Variants in DCLRE1B observed in about 807,000 individuals in gnomAD.
DCLRE1B encodes the protein DNA cross-link repair 1B.
DCLRE1B carries 6 observed loss-of-function variants against 19.8 expected under a neutral mutation model. The ratio of observed to expected loss-of-function variants is 0.30; its 90% confidence interval spans 0.17 to 0.60. The LOEUF (loss-of-function observed/expected upper bound fraction) is 0.60. DCLRE1B is among the 20% of genes least tolerant of loss of function. The pLI, the probability that DCLRE1B is intolerant of heterozygous loss-of-function variation, is 0.87. For synonymous variants in DCLRE1B, 258 were observed against 255.7 expected, an observed-to-expected ratio of 1.01 and a Z score of -0.09; for missense variants, 622 against 654.2, an observed-to-expected ratio of 0.95 and a Z score of 0.54.
Position 113,911,757 on chromosome 1 carries a change from C to T in DCLRE1B, c.1165C>T (p.Pro389Ser), listed in dbSNP as rs774923906. 3.5e-5 allele frequency: 57 copies of T among 1,614,036 alleles called. No individual in the cohort carries two copies. The highest frequency in any genetic ancestry group is 4.4e-5 in the Non-Finnish European group (52 of 1,180,040). ...CTGGCCTGCGGACCTTGAAAAGCAG[C>T]CTTCCCACCATCCTTTGCGGATCAA... is the stretch of plus-strand genomic sequence containing the variant. ...SPWPADLEKQ[P>S]SHHPLRIKKQ... Residue 389 changes from proline (P) to serine (S), a missense_variant, in exon 4 of 4, where the codon CCT becomes TCT. Pro to Ser is a moderately conservative substitution (Grantham distance 74). Coordinates refer to ENST00000650450, the MANE Select transcript of DCLRE1B (RefSeq NM_022836.4).
chr1:113,907,220 T>A lies in DCLRE1B; in HGVS notation c.355+59T>A, dbSNP rs1172700811. The A allele has an allele frequency of 1.9e-5, 25 of 1,304,768 alleles. No homozygotes were observed. The East Asian group carries it at 2.5e-4, about 13-fold the overall frequency. 80.8% of individuals were successfully genotyped at this position (1,304,768 alleles called of 1,614,324 possible). A position where few individuals can be genotyped will look rare whatever the true frequency, so the allele number is the denominator to read the frequency against. On this transcript the variant is annotated intron_variant, in intron 2 of 3. Coordinates refer to ENST00000650450, the MANE Select transcript of DCLRE1B (RefSeq NM_022836.4). ...AGACTAGATGTTTTTTTTTTTTTTT[T>A]TTTTTTTTTTTTTTAATGTATAGAC...
chr1:113,905,201 C>G (rs960449536), upstream of DCLRE1B: 2 of 333,148 alleles, frequency 6.0e-6, no homozygotes, highest in South Asian at 5.9e-5. Context: ...GTCCCGACTC[C>G]GACCTTAGGA....
In DCLRE1B at chr1:113,911,281, A is replaced by G. The variant is rs755456896; in HGVS notation, c.689A>G (p.His230Arg). 5.0e-6 allele frequency: 8 copies of G among 1,614,188 alleles called. No individual in the cohort carries two copies. The highest frequency in any genetic ancestry group is 8.5e-7 in the Non-Finnish European group (1 of 1,180,042). ...FTVEEKAGRI[H>R]AVDHMEICHS... ...GTGGAGGAGAAGGCTGGCCGCATCC[A>G]TGCAGTAGACCATATGGAGATCTGC... The change falls in exon 4 of 4, where the codon CAT (histidine) becomes CGT (arginine). Residue 230 changes from histidine to arginine, a missense_variant. By Grantham distance (29) the His-to-Arg change is conservative. Coordinates refer to ENST00000650450, the MANE Select transcript of DCLRE1B (RefSeq NM_022836.4).
Position 113,907,204 on chromosome 1 carries a change from GTTTTTTTTTT to G in DCLRE1B, c.355+64_355+73del, listed in dbSNP as rs71090746. The stretch of plus-strand genomic sequence containing the variant: ...TCCCAGTGACTTCTCCAGACTAGAT[GTTTTTTTTTT>G]TTTTTTTTTTTTTTTTTTTTAATGT... On this transcript the variant is annotated intron_variant, in intron 2 of 3. Coordinates refer to ENST00000650450, the MANE Select transcript of DCLRE1B (RefSeq NM_022836.4). 449 of 492,308 alleles carry G rather than the reference GTTTTTTTTTT, an allele frequency of 9.1e-4. 2 individuals carry two copies. Among genetic ancestry groups the G allele is most frequent in the African/African-American group, 2.6e-3 (45 of 17,250 alleles). The allele number at this position is 492,308 out of a possible 1,614,324, so 30.5% of individuals were successfully genotyped here.
intron 2 of DCLRE1B, 41 bp downstream of exon 2, chr1:113,907,202 A>ATTTTTTTTT (rs756672653): frequency 9.3e-5 from 19 of 203,258 alleles, no homozygotes; most frequent in African/African-American, 3.1e-4. Flanking sequence ...TCCAGACTAG[A>ATTTTTTTTT]TGTTTTTTTT....
intron 2 of DCLRE1B, 66 bp downstream of exon 2, chr1:113,907,227 TTTTTTTTAATG>T: frequency 3.1e-6 from 4 of 1,280,018 alleles, no homozygotes; most frequent in Middle Eastern, 2.6e-4. Flanking sequence ...TTTTTTTTTT[TTTTTTTTAATG>T]TATAGACTGG....
chr1:113,912,146 CAGG>C lies in DCLRE1B; in HGVS notation c.1557_1559del (p.Arg520del). 1 of 1,614,082 alleles carries C rather than the reference CAGG, an allele frequency of 6.2e-7. No individual in the cohort carries two copies. Among genetic ancestry groups the C allele is most frequent in the East Asian group, 2.2e-5 (1 of 44,888 alleles). On this transcript the variant is annotated inframe_deletion, in exon 4 of 4. Transcript: ENST00000650450. Reference sequence around the variant, plus strand: ...ACTTTTTCCAGGCAGGGTATTCTTCCAGGAGATTTGACCAGCAAGTGGAAAAAT... The same window carrying C: ...ACTTTTTCCAGGCAGGGTATTCTTCCAGATTTGACCAGCAAGTGGAAAAAT...
At chr1:113,908,274 GT>G (rs1390112204) in intron 3 of DCLRE1B, 83 bp downstream of exon 3, 2 of 1,530,042 alleles carry the variant, frequency 1.3e-6, no homozygotes, top group Non-Finnish European at 1.8e-6. Flanking sequence ...TCAGATCTTT[GT>G]GCAGTTCTCA....
chr1:113,907,407 G>C (rs896096977), intron 2 of DCLRE1B, among the ~76,000 whole-genome samples: 3 of 151,602 alleles, frequency 2.0e-5, no homozygotes, highest in Admixed American at 6.6e-5. Flanking sequence ...GGCGCTGGAG[G>C]CCTTCTAACT....
intron 3 of DCLRE1B, 103 bp downstream of exon 3, chr1:113,908,294 T>G: frequency 2.1e-6 from 3 of 1,434,418 alleles, no homozygotes; most frequent in Non-Finnish European, 2.8e-6. Context: ...CACTTTCTCC[T>G]ACACTGACCA....
chr1:113,906,046 CTTTTTTTTTTTTT>C (rs1159693224), intron 1 of DCLRE1B, among the ~76,000 whole-genome samples: 84 of 68,116 alleles, frequency 1.2e-3, no homozygotes, highest in South Asian at 7.1e-3. Context: ...CCAAACTTGC[CTTTTTTTTTTTTT>C]TTTTTTTTTT....
intron 1 of DCLRE1B, 146 bp from the exon 2 acceptor site, chr1:113,906,850 A>T: frequency 1.2e-6 from 1 of 819,500 alleles, no homozygotes; most frequent in South Asian, 1.7e-5. Context: ...GGAAGGGCAG[A>T]TTGCTTGGGA....
intron 3 of DCLRE1B, 127 bp from the exon 4 acceptor site, chr1:113,911,004 A>C: frequency 1.1e-6 from 1 of 881,740 alleles, no homozygotes; most frequent in South Asian, 1.8e-5. Context: ...CTTCCTTGAT[A>C]TTCTCCCTGG....
intron 1 of DCLRE1B, among the ~76,000 whole-genome samples, chr1:113,906,008 C>G (rs1668922747): frequency 6.8e-6 from 1 of 147,268 alleles, no homozygotes; most frequent in African/African-American, 2.5e-5. Context: ...CTATTCCTAC[C>G]TTTATAAGTA....
chr1:113,907,020 C>T lies in DCLRE1B; in HGVS notation c.214C>T (p.Leu72=). 1 of 1,613,968 alleles carries T rather than the reference C, an allele frequency of 6.2e-7. No homozygotes were observed. Among genetic ancestry groups the T allele is most frequent in the African/African-American group, 1.3e-5 (1 of 74,932 alleles). ...LQVSKQWIQA[L]EVGESHVLPL... ...GGTATCTAAGCAATGGATCCAAGCC[C>T]TGGAGGTTGGTGAGAGCCATGTATT... The change falls in exon 2 of 4, where the codon CTG becomes TTG. Residue 72 remains leucine (L), a synonymous_variant. Transcript: ENST00000650450.
intron 2 of DCLRE1B, 94 bp from the exon 3 acceptor site, chr1:113,907,915 G>C: frequency 7.1e-7 from 1 of 1,402,440 alleles, no homozygotes; most frequent in Non-Finnish European, 9.7e-7. Context: ...TCACAGACTA[G>C]TAAGCAAACG....
At chr1:113,907,207 T>TG in intron 2 of DCLRE1B, 46 bp downstream of exon 2, 2 of 685,312 alleles carry the variant, frequency 2.9e-6, no homozygotes, top group Non-Finnish European at 3.8e-6. Flanking sequence ...ACTAGATGTT[T>TG]TTTTTTTTTT....
chr1:113,908,439 C>G (rs1281195617), intron 3 of DCLRE1B, among the ~76,000 whole-genome samples: 1 of 152,198 alleles, frequency 6.6e-6, no homozygotes, highest in African/African-American at 2.4e-5. Flanking sequence ...AAGACCCTGT[C>G]TCTACAAAAA....
upstream of DCLRE1B, chr1:113,904,787 T>C (rs1668764595): frequency 7.8e-7 from 1 of 1,288,584 alleles, no homozygotes; most frequent in Non-Finnish European, 1.1e-6. Flanking sequence ...CGTCCTGATG[T>C]GGGAGCCTGA....
Sources: allele counts gnomAD v4.1 joint callset (sites outside exome capture counted in the v4.1 genomes callset), GRCh38; gene constraint gnomAD v4.1.1; transcripts MANE v1.5; gene names NCBI Gene and HGNC (gene_info 2026-07-23, HGNC 2026-07-21).